Variants in ALK observed in about 807,000 individuals in gnomAD.
ALK encodes the protein ALK tyrosine kinase receptor.
ALK carries 74 observed loss-of-function variants against 163.1 expected under a neutral mutation model. That is an observed-to-expected ratio of 0.45 (90% CI 0.38 to 0.55). ALK has a LOEUF of 0.55. Ranked by LOEUF, ALK falls within the 20% of genes least tolerant of loss-of-function variation. ALK has a pLI of 0.00. For missense variants in ALK, 2,063 were observed against 2,105.3 expected (o/e 0.98, Z 0.39); for synonymous variants, 960 against 843.2 (o/e 1.14, Z -2.40).
chr2:29,831,064 AGGAAGGGGAGGAGGAGGAGGAGGAGGAGG>A (rs1430095124), intron 1 of ALK, among the ~76,000 whole-genome samples: 24 of 35,702 alleles, frequency 6.7e-4, no homozygotes, highest in South Asian at 2.0e-3. Flanking sequence ...GAGGAAGGGG[AGGAAGGGGAGGAGGAGGAGGAGGAGGAGG>A]AGGAGGAGGA....
At chr2:29,219,478 T>C (rs1669726182) in intron 23 of ALK, among the ~76,000 whole-genome samples, 1 of 152,184 alleles carries the variant, frequency 6.6e-6, no homozygotes, top group Non-Finnish European at 1.5e-5. Flanking sequence ...GCTGTCAGTC[T>C]TCCCTCCTTT....
chr2:29,551,833 AAAAT>A (rs1673723378), intron 3 of ALK, among the ~76,000 whole-genome samples: 1 of 152,206 alleles, frequency 6.6e-6, no homozygotes, highest in Non-Finnish European at 1.5e-5. Flanking sequence ...TACTTAAAAA[AAAAT>A]ACTGTTTACA....
chr2:29,712,861 A>T (rs1679141192), intron 2 of ALK, among the ~76,000 whole-genome samples: 1 of 152,118 alleles, frequency 6.6e-6, no homozygotes, highest in Admixed American at 6.5e-5. Context: ...AGATGTTGGG[A>T]TGTTGGGAAG....
chr2:29,608,095 T>A (rs1675590576), intron 3 of ALK, among the ~76,000 whole-genome samples: 1 of 152,234 alleles, frequency 6.6e-6, no homozygotes, highest in African/African-American at 2.4e-5. Flanking sequence ...CTTTCATGTT[T>A]CTGCTCAAAT....
At chr2:29,226,662 T>G (rs1316006162) in intron 18 of ALK, among the ~76,000 whole-genome samples, 1 of 152,034 alleles carries the variant, frequency 6.6e-6, no homozygotes, top group Non-Finnish European at 1.5e-5. Flanking sequence ...TCACTGGGCA[T>G]GTTTAAGTGG....
intron 4 of ALK, among the ~76,000 whole-genome samples, chr2:29,518,390 G>A (rs1206564811): frequency 6.6e-6 from 1 of 152,100 alleles, no homozygotes. Context: ...GACATTTTTG[G>A]GAATGTCAAT....
intron 4 of ALK, among the ~76,000 whole-genome samples, chr2:29,506,843 G>A (rs1672341069): frequency 1.3e-5 from 2 of 152,148 alleles, no homozygotes; most frequent in Admixed American, 6.5e-5. Flanking sequence ...GACCCAGCTT[G>A]TAACTGACAA....
chr2:29,338,355 G>A (rs1055053040), intron 5 of ALK, among the ~76,000 whole-genome samples: 6 of 152,090 alleles, frequency 3.9e-5, no homozygotes, highest in African/African-American at 1.4e-4. Context: ...CTCCTTTTTG[G>A]TCCTAATCTT....
At chr2:29,792,129 A>C (rs572958315) in intron 1 of ALK, among the ~76,000 whole-genome samples, 1 of 152,346 alleles carries the variant, frequency 6.6e-6, no homozygotes, top group South Asian at 2.1e-4. Flanking sequence ...AAATAGTTTT[A>C]ACCTTTTTTG....
chr2:29,226,083 T>C (rs1027621019), intron 18 of ALK, among the ~76,000 whole-genome samples: 4 of 151,978 alleles, frequency 2.6e-5, no homozygotes, highest in African/African-American at 9.7e-5. Context: ...GTGGAACACA[T>C]GCAGAAGAGG....
intron 5 of ALK, among the ~76,000 whole-genome samples, chr2:29,368,911 A>G (rs1668575610): frequency 6.6e-6 from 1 of 152,230 alleles, no homozygotes; most frequent in Admixed American, 6.5e-5. Context: ...AACGTTCAAT[A>G]TGATTTTACT....
At chr2:29,624,367 T>C (rs1676130767) in intron 3 of ALK, among the ~76,000 whole-genome samples, 1 of 152,158 alleles carries the variant, frequency 6.6e-6, no homozygotes, top group South Asian at 2.1e-4. Flanking sequence ...ACAGAGTATT[T>C]CTGTTACAAA....
intron 4 of ALK, among the ~76,000 whole-genome samples, chr2:29,495,435 C>A (rs1189766801): frequency 6.6e-6 from 1 of 152,224 alleles, no homozygotes; most frequent in African/African-American, 2.4e-5. Context: ...CAAAACTCTT[C>A]TCCCTTTGGA....
intron 1 of ALK, among the ~76,000 whole-genome samples, chr2:29,829,905 G>A (rs960624892): frequency 2.6e-5 from 4 of 152,190 alleles, no homozygotes; most frequent in Admixed American, 1.3e-4. Flanking sequence ...GGGCTGTTGG[G>A]AGCACAGAAG....
At chr2:29,758,703 C>A (rs940597461) in intron 1 of ALK, among the ~76,000 whole-genome samples, 1 of 152,182 alleles carries the variant, frequency 6.6e-6, no homozygotes, top group African/African-American at 2.4e-5. Context: ...CCTTTCTGGC[C>A]TCTTCCTGCT....
intron 5 of ALK, among the ~76,000 whole-genome samples, chr2:29,367,480 T>C (rs1668534611): frequency 6.6e-6 from 1 of 152,228 alleles, no homozygotes; most frequent in African/African-American, 2.4e-5. Flanking sequence ...TGTTAAATTA[T>C]ATGACTCTTG....
chr2:29,328,426 C>T lies in ALK; in HGVS notation c.1338G>A (p.Gly446=). The part of the protein sequence containing the change: ...ALQSSFTCWN[G]TVLQLGQACD... ...AGGCCTGCCCAAGCTGGAGGACTGT[C>T]CCATTCCAACAAGTGAAGGAGCTCT... The change falls in exon 6 of 29, where the codon GGG becomes GGA. Residue 446 remains glycine (G), a synonymous_variant. Coordinates refer to ENST00000389048, the MANE Select transcript of ALK (RefSeq NM_004304.5). 1.2e-6 allele frequency: 2 copies of T among 1,614,196 alleles called. No homozygotes were observed. Among genetic ancestry groups the T allele is most frequent in the Non-Finnish European group, 1.7e-6 (2 of 1,180,020 alleles).
At chr2:29,567,032 T>A (rs933227837) in intron 3 of ALK, among the ~76,000 whole-genome samples, 1 of 152,254 alleles carries the variant, frequency 6.6e-6, no homozygotes, top group African/African-American at 2.4e-5. Context: ...ACAATGAATA[T>A]GTTAGTTTTG....
chr2:29,361,540 T>A (rs1056616808), intron 5 of ALK, among the ~76,000 whole-genome samples: 1 of 152,218 alleles, frequency 6.6e-6, no homozygotes, highest in African/African-American at 2.4e-5. Context: ...GGGCCAGCAG[T>A]GGAGAAGCTG....
Sources: allele counts gnomAD v4.1 joint callset (sites outside exome capture counted in the v4.1 genomes callset), GRCh38; gene constraint gnomAD v4.1.1; transcripts MANE v1.5; gene names NCBI Gene and HGNC (gene_info 2026-07-23, HGNC 2026-07-21).